Variants in TBCE observed in about 807,000 individuals in gnomAD.
TBCE encodes tubulin-specific chaperone E.
A neutral mutation model predicts 77.0 loss-of-function variants in TBCE; 53 were observed. That is an observed-to-expected ratio of 0.69 (90% CI 0.55 to 0.87). The LOEUF (loss-of-function observed/expected upper bound fraction) is 0.87, where lower values mean the gene tolerates loss of function less well. Among genes scored for constraint, TBCE ranks in the 40% least tolerant of loss-of-function variants. TBCE has a pLI of 0.00. For missense variants in TBCE, 624 were observed against 622.4 expected (o/e 1.00, Z -0.03); for synonymous variants, 235 against 241.3 (o/e 0.97, Z 0.24).
intron 3 of TBCE, among the ~76,000 whole-genome samples, chr1:235,413,632 C>T (rs1453847245): frequency 6.8e-6 from 1 of 146,906 alleles, no homozygotes; most frequent in Non-Finnish European, 1.5e-5. Flanking sequence ...CACTGCACTC[C>T]AGTCTGGGCA....
At chr1:235,372,524 A>G (rs948860020) in intron 1 of TBCE, among the ~76,000 whole-genome samples, 3 of 152,124 alleles carry the variant, frequency 2.0e-5, no homozygotes, top group African/African-American at 4.8e-5. Flanking sequence ...GTTCACACCT[A>G]TAATCCTAGC....
chr1:235,398,383 T>C (rs1378367852), intron 2 of TBCE, among the ~76,000 whole-genome samples: 1 of 151,980 alleles, frequency 6.6e-6, no homozygotes. Flanking sequence ...TGACCTCAGG[T>C]GATCCACCTG....
intron 4 of TBCE, chr1:235,416,032 G>C (rs929772999): frequency 6.6e-6 from 1 of 151,872 alleles, no homozygotes; most frequent in Non-Finnish European, 1.5e-5. Context: ...AGCTGGGTGT[G>C]GTGGTACGCA....
At chr1:235,370,046 T>C (rs1300150791) in intron 1 of TBCE, among the ~76,000 whole-genome samples, 1 of 152,104 alleles carries the variant, frequency 6.6e-6, no homozygotes, top group Non-Finnish European at 1.5e-5. Flanking sequence ...CTCTCTCATA[T>C]TTTGGGGACC....
intron 1 of TBCE, among the ~76,000 whole-genome samples, chr1:235,377,028 A>G (rs572329250): frequency 6.6e-6 from 1 of 151,944 alleles, no homozygotes; most frequent in South Asian, 2.1e-4. Flanking sequence ...CTCGGAGATT[A>G]TTTCTCTTTT....
At position 235,417,424 on chromosome 1, in the gene TBCE, G is replaced by A. The variant is rs1234656656; in HGVS notation, c.372-2049G>A. On this transcript the variant is annotated intron_variant, in intron 4 of 16. Transcript: ENST00000642610. Reference sequence around the variant, plus strand: ...GCCGCGATAAAACACAAGTATTTATGTACATCTATCATGCATCAATAGAAA... The same window carrying A: ...GCCGCGATAAAACACAAGTATTTATATACATCTATCATGCATCAATAGAAA... Among the ~76,000 whole-genome samples the A allele has an allele frequency of 1.2e-4, 18 of 152,352 alleles. No homozygotes were observed. The South Asian group carries it at 3.7e-3, about 32-fold the overall frequency.
chr1:235,386,321 A>G (rs536998814), intron 2 of TBCE, among the ~76,000 whole-genome samples: 52 of 152,062 alleles, frequency 3.4e-4, no homozygotes, highest in African/African-American at 8.9e-4. Flanking sequence ...CATTCTCTGT[A>G]TTTTCTGAAT....
At position 235,414,953 on chromosome 1, in the gene TBCE, T is replaced by C. The variant is rs79855031; in HGVS notation, c.371+335T>C. 4.8e-3 allele frequency: 1,683 copies of C among 349,528 alleles called. 22 individuals are homozygous for C. Among genetic ancestry groups the C allele is most frequent in the African/African-American group, 0.031 (1,475 of 46,944 alleles). The allele number at this position is 349,528 out of a possible 1,614,324, so 21.7% of individuals were successfully genotyped here. A position where few individuals can be genotyped will look rare whatever the true frequency, so the allele number is the denominator to read the frequency against. On this transcript the variant is annotated intron_variant, in intron 4 of 16. Coordinates refer to ENST00000642610, the MANE Select transcript of TBCE (RefSeq NM_003193.5). ...CATGGTGATGATGGTAAGTTGGGAA[T>C]GGAAACAGCAGTCTGAATTGTTCCC...
At chr1:235,370,160 T>C (rs1237892397) in intron 1 of TBCE, among the ~76,000 whole-genome samples, 1 of 152,130 alleles carries the variant, frequency 6.6e-6, no homozygotes, top group Non-Finnish European at 1.5e-5. Flanking sequence ...TGCCATGTGA[T>C]AGAGTCATTT....
intron 8 of TBCE, among the ~76,000 whole-genome samples, chr1:235,435,147 C>T (rs527404673): frequency 6.6e-6 from 1 of 151,682 alleles, no homozygotes; most frequent in African/African-American, 2.4e-5. Flanking sequence ...GTCACCCAGG[C>T]TAGAGTGCAA....
intron 1 of TBCE, among the ~76,000 whole-genome samples, chr1:235,373,997 C>T (rs1677140370): frequency 1.4e-5 from 2 of 144,764 alleles, no homozygotes; most frequent in South Asian, 2.1e-4. Flanking sequence ...TTTTTTGAGA[C>T]TGAGTCTTTC....
chr1:235,397,360 C>T (rs538049046), intron 2 of TBCE, among the ~76,000 whole-genome samples: 1 of 152,158 alleles, frequency 6.6e-6, no homozygotes, highest in Non-Finnish European at 1.5e-5. Context: ...CGCCAGGATG[C>T]GCGGCTAATT....
At chr1:235,380,175 GTGTGT>G in intron 2 of TBCE, 26 bp downstream of exon 2, 2 of 220,602 alleles carry the variant, frequency 9.1e-6, no homozygotes, top group Non-Finnish European at 1.3e-5. Flanking sequence ...GTGTGTGTGT[GTGTGT>G]GTGTGTGTGT....
chr1:235,440,022 GTGCAGTGCCGCGATCTCCGCTCAC>G (rs1558392213), intron 13 of TBCE, among the ~76,000 whole-genome samples: 1 of 151,990 alleles, frequency 6.6e-6, no homozygotes, highest in Non-Finnish European at 1.5e-5. Flanking sequence ...CCAGGCTGGA[GTGCAGTGCCGCGATCTCCGCTCAC>G]TGCAAGCTCC....
intron 5 of TBCE, among the ~76,000 whole-genome samples, chr1:235,421,502 G>C (rs1287396324): frequency 2.6e-5 from 4 of 152,122 alleles, no homozygotes; most frequent in African/African-American, 9.7e-5. Context: ...GAGGTCAGGA[G>C]TTTGAGACCA....
chr1:235,434,041 C>A (rs1681267119), intron 7 of TBCE, 163 bp from the exon 8 acceptor site: 5 of 714,288 alleles, frequency 7.0e-6, no homozygotes, highest in Non-Finnish European at 1.0e-5. Flanking sequence ...TATTTATCAC[C>A]CCCCACCACT....
At chr1:235,397,257 A>G (rs1283369564) in intron 2 of TBCE, among the ~76,000 whole-genome samples, 1 of 142,460 alleles carries the variant, frequency 7.0e-6, no homozygotes, top group Non-Finnish European at 1.5e-5. Context: ...GCTGGAGTGC[A>G]GTGGCGCGAT....
rs944846294 is a variant in TBCE at position 235,449,265 on chromosome 1, C to CTTAAA, written c.*508_*512dup. ...CTCAGTTGCACTATTTCTAAGAGTA[C>CTTAAA]TTAAATTAATCACATGCTTTTCCCT... On this transcript the variant is annotated 3_prime_UTR_variant, in exon 17 of 17. Transcript: ENST00000642610. The CTTAAA allele has an allele frequency of 5.9e-6, 1 of 168,366 alleles. No individual in the cohort carries two copies. The highest frequency in any genetic ancestry group is 2.4e-5 in the African/African-American group (1 of 41,530). The allele number at this position is 168,366 out of a possible 1,614,324, so 10.4% of individuals were successfully genotyped here.
intron 3 of TBCE, among the ~76,000 whole-genome samples, chr1:235,407,069 T>C (rs1327459874): frequency 1.3e-5 from 2 of 152,010 alleles, no homozygotes; most frequent in Non-Finnish European, 2.9e-5. Context: ...CCTCAGGTGT[T>C]CTGCCTGCCT....
Sources: gnomAD v4.1 joint callset for allele counts (sites outside exome capture counted in the v4.1 genomes callset) on GRCh38, gnomAD v4.1.1 for gene constraint, MANE v1.5 for transcripts, NCBI Gene and HGNC (gene_info 2026-07-23, HGNC 2026-07-21) for gene names.